The following ATP8A2 variants were observed in gnomAD, a reference collection of about 807,000 sequenced individuals.
The protein encoded by ATP8A2 is phospholipid-transporting ATPase IB.
Under a neutral mutation model 165.6 loss-of-function variants are expected in ATP8A2, and 100 were observed. That is an observed-to-expected ratio of 0.60 (90% confidence interval 0.51 to 0.71). ATP8A2 has a LOEUF of 0.71. Among genes scored for constraint, ATP8A2 ranks in the 30% least tolerant of loss-of-function variants. ATP8A2 has a pLI of 0.00. For synonymous variants in ATP8A2, 543 were observed against 548.8 expected (o/e 0.99, Z 0.15); for missense variants, 1,227 against 1,479.5 (o/e 0.83, Z 2.80).
intron 24 of ATP8A2, among the ~76,000 whole-genome samples, chr13:25,644,962 G>C (rs1180720894): frequency 1.3e-5 from 2 of 152,054 alleles, no homozygotes; most frequent in East Asian, 3.9e-4. Context: ...CTCTAGTCTA[G>C]CTAAAGGTTT....
At chr13:25,551,270 C>G in intron 10 of ATP8A2, 68 bp from the exon 11 acceptor site, 3 of 1,453,688 alleles carry the variant, frequency 2.1e-6, no homozygotes, top group Non-Finnish European at 2.8e-6. Context: ...TGTTTTACCT[C>G]CTTTCCCCCA....
Position 25,768,985 on chromosome 13 carries a change from A to AT in ATP8A2, c.2385-59dup. The AT allele has an allele frequency of 3.4e-6, 5 of 1,483,096 alleles. No individual in the cohort carries two copies. In the Admixed American group the frequency reaches 8.4e-5, roughly 25 times the overall value. 91.9% of individuals were successfully genotyped at this position (1,483,096 alleles called of 1,614,324 possible). ...GTCCTTTTAATGCAGCGGAATGTAG[A>AT]TTACAGCTGTTTCCTCTGGAAAGAC... On this transcript the variant is annotated intron_variant, in intron 25 of 36. Transcript: ENST00000381655.
chr13:25,451,953 C>T (rs145356209), intron 1 of ATP8A2, among the ~76,000 whole-genome samples: 1,735 of 150,976 alleles, frequency 0.011, 36 homozygotes, highest in African/African-American at 0.04. Context: ...CTCCTGGGTT[C>T]GCGCCATTCT....
chr13:25,385,913 T>C (rs1262999706), intron 1 of ATP8A2, among the ~76,000 whole-genome samples: 1 of 149,096 alleles, frequency 6.7e-6, no homozygotes, highest in Non-Finnish European at 1.5e-5. Flanking sequence ...GACTTGGGCT[T>C]AAATTTTTTT....
intron 35 of ATP8A2, 85 bp downstream of exon 35, chr13:25,968,764 C>A: frequency 8.5e-7 from 1 of 1,175,030 alleles, no homozygotes; most frequent in Non-Finnish European, 1.2e-6. Flanking sequence ...TTTTTCTCAT[C>A]TTGGTTTTCG....
chr13:25,977,804 G>C (rs925407729), intron 35 of ATP8A2, among the ~76,000 whole-genome samples: 2 of 152,164 alleles, frequency 1.3e-5, no homozygotes, highest in Non-Finnish European at 2.9e-5. Flanking sequence ...CCAGTGCTGC[G>C]ATGAAGAAGT....
chr13:25,466,805 C>G (rs1466278670), intron 1 of ATP8A2, among the ~76,000 whole-genome samples: 1 of 152,180 alleles, frequency 6.6e-6, no homozygotes, highest in Non-Finnish European at 1.5e-5. Flanking sequence ...GTGAACCCAG[C>G]CTGTCCCTAC....
intron 23 of ATP8A2, among the ~76,000 whole-genome samples, chr13:25,583,788 CCAAA>C (rs2039843401): frequency 6.6e-6 from 1 of 152,050 alleles, no homozygotes; most frequent in Non-Finnish European, 1.5e-5. Context: ...TGATACCTGT[CCAAA>C]CAATTTTTTA....
At chr13:25,660,841 G>A (rs755653585) in intron 24 of ATP8A2, among the ~76,000 whole-genome samples, 2 of 152,166 alleles carry the variant, frequency 1.3e-5, no homozygotes, top group Non-Finnish European at 2.9e-5. Flanking sequence ...GGGGATCCCG[G>A]TTACCCCAAA....
At chr13:25,424,364 G>T (rs1259318028) in intron 1 of ATP8A2, among the ~76,000 whole-genome samples, 1 of 152,126 alleles carries the variant, frequency 6.6e-6, no homozygotes, top group Non-Finnish European at 1.5e-5. Flanking sequence ...TTCAGCCTTA[G>T]ATGCTCTGTA....
At chr13:25,389,883 A>C (rs1274513653) in intron 1 of ATP8A2, among the ~76,000 whole-genome samples, 3 of 152,238 alleles carry the variant, frequency 2.0e-5, no homozygotes, top group African/African-American at 7.2e-5. Context: ...AGGCATAATT[A>C]ATTGCTAAAG....
At chr13:25,672,356 A>G (rs898141705) in intron 24 of ATP8A2, among the ~76,000 whole-genome samples, 1 of 152,170 alleles carries the variant, frequency 6.6e-6, no homozygotes, top group African/African-American at 2.4e-5. Flanking sequence ...AGACTGTGGC[A>G]TCATCAGCTT....
chr13:25,988,812 C>T (rs1406489506), intron 35 of ATP8A2, among the ~76,000 whole-genome samples: 5 of 152,220 alleles, frequency 3.3e-5, no homozygotes, highest in Non-Finnish European at 5.9e-5. Flanking sequence ...ACTCACCCAC[C>T]GTCTGAAGTC....
intron 25 of ATP8A2, among the ~76,000 whole-genome samples, chr13:25,756,829 T>C (rs182556583): frequency 1.4e-3 from 207 of 152,298 alleles, no homozygotes; most frequent in African/African-American, 4.7e-3. Context: ...CATATTTTTG[T>C]TTTCAACTTA....
At chr13:25,613,238 G>A (rs566315148) in intron 24 of ATP8A2, among the ~76,000 whole-genome samples, 1 of 152,206 alleles carries the variant, frequency 6.6e-6, no homozygotes, top group African/African-American at 2.4e-5. Context: ...GCTTTAAGGA[G>A]GTTCTATTTT....
chr13:25,627,249 A>G (rs2041125090), intron 24 of ATP8A2, among the ~76,000 whole-genome samples: 1 of 152,140 alleles, frequency 6.6e-6, no homozygotes, highest in African/African-American at 2.4e-5. Context: ...GCAGAGCCTC[A>G]GGAGCAAAAT....
chr13:25,583,590 G>A (rs778327939), intron 23 of ATP8A2, among the ~76,000 whole-genome samples: 7 of 152,034 alleles, frequency 4.6e-5, no homozygotes, highest in Non-Finnish European at 8.8e-5. Context: ...CCGGCCCCTG[G>A]GAGCACACGC....
intron 2 of ATP8A2, among the ~76,000 whole-genome samples, chr13:25,480,162 T>TG (rs531723200): frequency 0.01 from 1,230 of 118,712 alleles, 4 homozygotes; most frequent in Middle Eastern, 0.047. Flanking sequence ...GCTGGCCGGG[T>TG]GGGGGGCTGA....
chr13:25,860,749 G>A (rs1197373173), intron 31 of ATP8A2, 55 bp from the exon 32 acceptor site: 12 of 1,384,318 alleles, frequency 8.7e-6, no homozygotes, highest in Non-Finnish European at 6.1e-6. Flanking sequence ...CTCATGGAAA[G>A]TGAAAATAAC....
Sources: gnomAD v4.1 joint callset for allele counts (sites outside exome capture counted in the v4.1 genomes callset) on GRCh38, gnomAD v4.1.1 for gene constraint, MANE v1.5 for transcripts, NCBI Gene and HGNC (gene_info 2026-07-23, HGNC 2026-07-21) for gene names.